SLC25A21: variants seen among roughly 807,000 people sequenced by gnomAD.
SLC25A21 encodes solute carrier family 25 member 21, also known as mitochondrial 2-oxodicarboxylate carrier.
Under a neutral mutation model 43.8 loss-of-function variants are expected in SLC25A21, and 47 were observed. The ratio of observed to expected loss-of-function variants is 1.07; its 90% confidence interval spans 0.85 to 1.37. SLC25A21 has a LOEUF of 1.37. SLC25A21 is among the 40% of genes most tolerant of loss of function. The pLI is 0.00. For missense variants in SLC25A21, 352 were observed against 350.2 expected, an observed-to-expected ratio of 1.00 and a Z score of -0.04; for synonymous variants, 131 against 121.3, an observed-to-expected ratio of 1.08 and a Z score of -0.52.
chr14:36,868,068 T>G (rs1451967342), intron 2 of SLC25A21, among the ~76,000 whole-genome samples: 2 of 150,964 alleles, frequency 1.3e-5, no homozygotes, highest in South Asian at 2.1e-4. Context: ...TCCCCCAAAA[T>G]GAAGCCTATA....
chr14:37,056,964 C>T lies in SLC25A21; in HGVS notation c.70+115317G>A, dbSNP rs976161876. Among the ~76,000 whole-genome samples the T allele has an allele frequency of 7.2e-5, 11 of 152,102 alleles. No homozygotes were observed. In the East Asian group the frequency reaches 7.7e-4, roughly 11 times the overall value. On this transcript the variant is annotated intron_variant, in intron 1 of 9. Transcript: ENST00000331299. ...AATAAATCTCTACACACTGAGAATT[C>T]GATTTGTTTGGTTTCTTTAAACCTC...
chr14:36,937,138 C>A (rs1892443617), intron 1 of SLC25A21, among the ~76,000 whole-genome samples: 1 of 152,224 alleles, frequency 6.6e-6, no homozygotes, highest in African/African-American at 2.4e-5. Flanking sequence ...AACCCTGAGG[C>A]TGCACTGCAG....
chr14:37,028,451 C>A (rs2138764203), intron 1 of SLC25A21, among the ~76,000 whole-genome samples: 1 of 152,156 alleles, frequency 6.6e-6, no homozygotes, highest in Non-Finnish European at 1.5e-5. Flanking sequence ...CCAATTATAA[C>A]AAAGGACAAA....
At chr14:36,778,537 T>A (rs947090626) in intron 3 of SLC25A21, among the ~76,000 whole-genome samples, 5 of 152,196 alleles carry the variant, frequency 3.3e-5, no homozygotes, top group Non-Finnish European at 7.4e-5. Flanking sequence ...ACAAGCCAGA[T>A]TCAATAAAGA....
At chr14:36,775,120 T>C (rs967262146) in intron 3 of SLC25A21, among the ~76,000 whole-genome samples, 4 of 152,194 alleles carry the variant, frequency 2.6e-5, no homozygotes, top group Admixed American at 2.0e-4. Context: ...TAGTTGCATA[T>C]GGAGAATTCT....
At chr14:36,937,705 C>T (rs1054477898) in intron 1 of SLC25A21, among the ~76,000 whole-genome samples, 1 of 152,094 alleles carries the variant, frequency 6.6e-6, no homozygotes, top group Non-Finnish European at 1.5e-5. Context: ...GATGGTTAGT[C>T]CACGTGGGAA....
chr14:37,004,926 A>ATT (rs35750060), intron 1 of SLC25A21, among the ~76,000 whole-genome samples: 10,289 of 143,114 alleles, frequency 0.072, 412 homozygotes, highest in Middle Eastern at 0.088. Flanking sequence ...CAGGGAAGGA[A>ATT]TTTTTTTTTT....
chr14:37,095,343 C>T (rs900303902), intron 1 of SLC25A21, among the ~76,000 whole-genome samples: 3 of 152,066 alleles, frequency 2.0e-5, no homozygotes, highest in Non-Finnish European at 2.9e-5. Flanking sequence ...CATGGTGAAA[C>T]CCTGTCTCTA....
At chr14:37,095,822 A>G (rs75746334) in intron 1 of SLC25A21, among the ~76,000 whole-genome samples, 115 of 142,030 alleles carry the variant, frequency 8.1e-4, no homozygotes, top group East Asian at 2.4e-3. Flanking sequence ...GCGCACGCAC[A>G]CACACACACA....
intron 2 of SLC25A21, among the ~76,000 whole-genome samples, chr14:36,836,714 G>C (rs1889221636): frequency 6.6e-6 from 1 of 152,154 alleles, no homozygotes. Context: ...AGAGAAAATG[G>C]ATATAGGCAG....
chr14:36,728,667 A>C (rs1023209360), intron 5 of SLC25A21, among the ~76,000 whole-genome samples: 2 of 152,264 alleles, frequency 1.3e-5, no homozygotes, highest in Non-Finnish European at 2.9e-5. Flanking sequence ...TTTAAAAATA[A>C]CAGATACTTC....
At chr14:36,739,823 G>A (rs745739850) in intron 3 of SLC25A21, among the ~76,000 whole-genome samples, 3 of 152,148 alleles carry the variant, frequency 2.0e-5, no homozygotes, top group African/African-American at 4.8e-5. Context: ...GCTTAGAGAG[G>A]TGAGTCCTCC....
intron 1 of SLC25A21, among the ~76,000 whole-genome samples, chr14:36,971,558 C>T (rs1282377909): frequency 1.3e-5 from 2 of 152,066 alleles, no homozygotes; most frequent in Admixed American, 6.6e-5. Context: ...CAGACACCAC[C>T]TCCTCAAGCC....
intron 1 of SLC25A21, among the ~76,000 whole-genome samples, chr14:37,170,371 G>A (rs1366553137): frequency 1.3e-5 from 2 of 152,112 alleles, no homozygotes; most frequent in South Asian, 4.1e-4. Context: ...GAGTTTAGCT[G>A]TGCCTAATAC....
chr14:36,853,311 C>G (rs1429485181), intron 2 of SLC25A21, among the ~76,000 whole-genome samples: 4 of 152,212 alleles, frequency 2.6e-5, no homozygotes, highest in Non-Finnish European at 2.9e-5. Context: ...AAGCATTTTA[C>G]AGCAGATTGT....
chr14:36,994,558 C>T lies in SLC25A21; in HGVS notation c.71-119554G>A, dbSNP rs181919722. On this transcript the variant is annotated intron_variant, in intron 1 of 9. Coordinates refer to ENST00000331299, the MANE Select transcript of SLC25A21 (RefSeq NM_030631.4). The stretch of plus-strand genomic sequence containing the variant: ...TGTTCTCTCTCAAAGCAGCTTTACG[C>T]ACTCTAAAAAAGGGACTAAATTCAG... Among the ~76,000 whole-genome samples, 11 of 152,242 alleles carry T rather than the reference C, an allele frequency of 7.2e-5. No individual in the cohort carries two copies. The East Asian group carries it at 1.5e-3, about 21-fold the overall frequency.
Position 37,022,820 on chromosome 14 carries a change from G to A in SLC25A21, c.71-147816C>T, listed in dbSNP as rs536781173. 2.6e-5 allele frequency among the ~76,000 whole-genome samples: 4 copies of A among 152,166 alleles called. No individual in the cohort carries two copies. The East Asian group carries it at 7.7e-4, about 29-fold the overall frequency. On this transcript the variant is annotated intron_variant, in intron 1 of 9. Transcript: ENST00000331299. ...GTTGTTAGTAAAGGAGTGAGAGAAT[G>A]AATGAATTAGGACAAATCATTTCTA...
intron 1 of SLC25A21, among the ~76,000 whole-genome samples, chr14:37,140,594 G>C (rs1446549400): frequency 1.3e-5 from 2 of 152,162 alleles, no homozygotes; most frequent in Admixed American, 1.3e-4. Flanking sequence ...TAGCAAACTA[G>C]TGTAATCATT....
intron 3 of SLC25A21, among the ~76,000 whole-genome samples, chr14:36,781,993 A>G (rs1887080929): frequency 6.6e-6 from 1 of 152,196 alleles, no homozygotes; most frequent in Non-Finnish European, 1.5e-5. Context: ...TCTAAAGAAT[A>G]GCTTTGTCAG....
Sources: gnomAD v4.1 joint callset for allele counts (sites outside exome capture counted in the v4.1 genomes callset) on GRCh38, gnomAD v4.1.1 for gene constraint, MANE v1.5 for transcripts, NCBI Gene and HGNC (gene_info 2026-07-23, HGNC 2026-07-21) for gene names.